Variants in SNAP25 observed in about 807,000 individuals in gnomAD.
SNAP25 encodes the protein synaptosomal-associated protein 25.
SNAP25 carries 3 observed loss-of-function variants against 28.7 expected under a neutral mutation model. The ratio of observed to expected loss-of-function variants is 0.10; its 90% CI spans 0.05 to 0.27. The LOEUF (loss-of-function observed/expected upper bound fraction) is 0.27. Among genes scored for constraint, SNAP25 ranks in the 10% least tolerant of loss-of-function variants. SNAP25 has a pLI of 1.00. For synonymous variants in SNAP25, 61 were observed against 88.1 expected (o/e 0.69, Z 1.72); for missense variants, 117 against 278.7 (o/e 0.42, Z 4.13).
intron 1 of SNAP25, among the ~76,000 whole-genome samples, chr20:10,230,666 G>A (rs925894714): frequency 2.0e-5 from 3 of 152,114 alleles, no homozygotes; most frequent in African/African-American, 4.8e-5. Flanking sequence ...AGAGATCTTT[G>A]TTGTTCCTTC....
chr20:10,288,128 G>A (rs1041667286), intron 4 of SNAP25, among the ~76,000 whole-genome samples: 6 of 151,836 alleles, frequency 4.0e-5, no homozygotes, highest in African/African-American at 9.7e-5. Flanking sequence ...CCTGCACATT[G>A]TGCACATGTA....
chr20:10,232,252 T>C (rs772733118), intron 1 of SNAP25, among the ~76,000 whole-genome samples: 1 of 152,242 alleles, frequency 6.6e-6, no homozygotes, highest in Non-Finnish European at 1.5e-5. Flanking sequence ...AATTGTTGTC[T>C]GTATCCTCGA....
intron 1 of SNAP25, among the ~76,000 whole-genome samples, chr20:10,236,849 G>A (rs363029): frequency 6.6e-6 from 1 of 151,692 alleles, no homozygotes; most frequent in African/African-American, 2.4e-5. Context: ...ACATTTGCTC[G>A]ACTCACTTCA....
intron 4 of SNAP25, 108 bp downstream of exon 4, chr20:10,284,880 C>CACGAATGT: frequency 1.2e-6 from 1 of 825,680 alleles, no homozygotes; most frequent in South Asian, 1.5e-5. Flanking sequence ...TACACATGTA[C>CACGAATGT]ACGAATGTGA....
chr20:10,270,308 C>T (rs1384991598), intron 1 of SNAP25, among the ~76,000 whole-genome samples: 1 of 152,098 alleles, frequency 6.6e-6, no homozygotes, highest in East Asian at 1.9e-4. Flanking sequence ...CCTGGTGATG[C>T]TCATGAACAT....
intron 1 of SNAP25, among the ~76,000 whole-genome samples, chr20:10,237,061 T>A (rs1230881407): frequency 6.6e-6 from 1 of 152,158 alleles, no homozygotes; most frequent in Non-Finnish European, 1.5e-5. Context: ...AGATCCTTAG[T>A]GAAGGACGAG....
At chr20:10,235,833 C>T (rs1430755835) in intron 1 of SNAP25, among the ~76,000 whole-genome samples, 2 of 152,184 alleles carry the variant, frequency 1.3e-5, no homozygotes, top group Non-Finnish European at 2.9e-5. Flanking sequence ...CTAGTGTTGG[C>T]ATACAGACAT....
chr20:10,281,295 T>C (rs1568614056), intron 3 of SNAP25, among the ~76,000 whole-genome samples: 2 of 152,146 alleles, frequency 1.3e-5, no homozygotes, highest in African/African-American at 2.4e-5. Flanking sequence ...GAGAAAGTAA[T>C]ATTCTGCCTC....
intron 1 of SNAP25, among the ~76,000 whole-genome samples, chr20:10,270,139 G>A (rs2063568954): frequency 6.6e-6 from 1 of 152,162 alleles, no homozygotes; most frequent in South Asian, 2.1e-4. Flanking sequence ...TGTAATCCCA[G>A]CTACTTGGGA....
intron 6 of SNAP25, 110 bp downstream of exon 6, chr20:10,297,160 A>T: frequency 7.7e-7 from 1 of 1,301,952 alleles, no homozygotes; most frequent in Non-Finnish European, 1.0e-6. Context: ...ATTAATCTAC[A>T]TACCTGCTAA....
intron 7 of SNAP25, among the ~76,000 whole-genome samples, chr20:10,301,742 G>A (rs1465037731): frequency 2.6e-5 from 4 of 151,504 alleles, no homozygotes; most frequent in Non-Finnish European, 5.9e-5. Flanking sequence ...CCTTAACAAT[G>A]AGATTTTCAA....
At chr20:10,267,932 TA>T (rs372651998) in intron 1 of SNAP25, among the ~76,000 whole-genome samples, 112 of 152,348 alleles carry the variant, frequency 7.4e-4, no homozygotes, top group South Asian at 7.0e-3. Flanking sequence ...ATATGTTTTT[TA>T]AATCACCCAA....
At chr20:10,231,129 AC>A (rs938152214) in intron 1 of SNAP25, among the ~76,000 whole-genome samples, 2 of 148,986 alleles carry the variant, frequency 1.3e-5, no homozygotes, top group Non-Finnish European at 3.0e-5. Flanking sequence ...CCTCTGTGTC[AC>A]CCCCCACACT....
chr20:10,288,336 C>T lies in SNAP25; in HGVS notation c.163+3564C>T, dbSNP rs117024527. Among the ~76,000 whole-genome samples, 155 of 151,776 alleles carry T rather than the reference C, an allele frequency of 1.0e-3. 1 individual carries two copies. The highest frequency in any genetic ancestry group is 2.5e-3 in the Admixed American group (38 of 15,226). On this transcript the variant is annotated intron_variant, in intron 4 of 7. Coordinates refer to ENST00000254976, the MANE Select transcript of SNAP25 (RefSeq NM_130811.4). ...GATTTAGAATAGAGCCTTTTCCCCC[C>T]GAACAATAAAGCAGTGACATAAAGA... is the stretch of plus-strand genomic sequence containing the variant.
rs544975596 is a variant in SNAP25, at chr20:10,270,833, C to T, written c.-63-4596C>T. Among the ~76,000 whole-genome samples, 12 of 152,306 alleles carry T rather than the reference C, an allele frequency of 7.9e-5. No homozygotes were observed. The South Asian group carries it at 8.3e-4, about 11-fold the overall frequency. Reference sequence around the variant, plus strand: ...CATATTCTGACTCTGGGGGAAGTTTCAGAAGCTCTGTCCTGGACCACACCT... The same window carrying T: ...CATATTCTGACTCTGGGGGAAGTTTTAGAAGCTCTGTCCTGGACCACACCT... On this transcript the variant is annotated intron_variant, in intron 1 of 7. Coordinates refer to ENST00000254976, the MANE Select transcript of SNAP25 (RefSeq NM_130811.4).
At position 10,261,422 on chromosome 20, in the gene SNAP25, T is replaced by C. The variant is rs6133841; in HGVS notation, c.-63-14007T>C. Among the ~76,000 whole-genome samples the C allele has an allele frequency of 1.4e-3, 209 of 152,232 alleles. 3 individuals are homozygous for C. The East Asian group carries it at 0.036, about 26-fold the overall frequency. On this transcript the variant is annotated intron_variant, in intron 1 of 7. Coordinates refer to ENST00000254976, the MANE Select transcript of SNAP25 (RefSeq NM_130811.4). ...TTTGCCAAGCTTCCCTTGCCTACGT[T>C]TGCACCCTCTACATGGGTCAGACAT...
At chr20:10,282,146 GGGAAGGAAGGAAGGATGGAA>G (rs1434914061) in intron 3 of SNAP25, among the ~76,000 whole-genome samples, 5,684 of 126,400 alleles carry the variant, frequency 0.045, 298 homozygotes, top group Admixed American at 0.093. Flanking sequence ...GAAGGAAGGA[GGGAAGGAAGGAAGGATGGAA>G]GGAAGGAAGG....
chr20:10,285,776 TA>T, intron 4 of SNAP25, among the ~76,000 whole-genome samples: 2 of 152,126 alleles, frequency 1.3e-5, no homozygotes, highest in Middle Eastern at 6.8e-3. Context: ...GGCAGCAACC[TA>T]AAGGAAAAAT....
At chr20:10,269,068 G>A (rs1007748745) in intron 1 of SNAP25, among the ~76,000 whole-genome samples, 2 of 152,160 alleles carry the variant, frequency 1.3e-5, no homozygotes, top group African/African-American at 2.4e-5. Context: ...GTCAATCAAA[G>A]GCAAATTTGT....
Sources: gnomAD v4.1 joint callset for allele counts (sites outside exome capture counted in the v4.1 genomes callset) on GRCh38, gnomAD v4.1.1 for gene constraint, MANE v1.5 for transcripts, NCBI Gene and HGNC (gene_info 2026-07-23, HGNC 2026-07-21) for gene names.